LRRD1: variants seen among roughly 807,000 people sequenced by gnomAD.
The protein encoded by LRRD1 is leucine-rich repeat and death domain-containing protein 1.
Under a neutral mutation model 69.5 loss-of-function variants are expected in LRRD1, and 49 were observed. That is an observed-to-expected ratio of 0.70 (90% confidence interval 0.56 to 0.89). The LOEUF is 0.89. Ranked by LOEUF, LRRD1 falls within the 40% of genes least tolerant of loss-of-function variation. The pLI is 0.00. For missense variants in LRRD1, 853 were observed against 956.0 expected (o/e 0.89, Z 1.42); for synonymous variants, 303 against 338.9 (o/e 0.89, Z 1.16).
chr7:92,143,305 C>T (rs1584646379), downstream of LRRD1, among the ~76,000 whole-genome samples: 2 of 152,278 alleles, frequency 1.3e-5, no homozygotes, highest in East Asian at 1.9e-4. Flanking sequence ...TGACTTCACC[C>T]GGTGGATCCC....
intron 1 of LRRD1, among the ~76,000 whole-genome samples, chr7:92,174,470 A>AAT (rs1186084706): frequency 0.014 from 280 of 20,240 alleles, 9 homozygotes; most frequent in East Asian, 0.021. Flanking sequence ...TATCAATTAG[A>AAT]ATATATATAT....
chr7:92,173,907 C>T (rs923262046), intron 1 of LRRD1, among the ~76,000 whole-genome samples: 4 of 151,862 alleles, frequency 2.6e-5, no homozygotes, highest in Admixed American at 2.6e-4. Flanking sequence ...TTCACAAAAG[C>T]CAAAATATGG....
chr7:92,153,281 T>G (rs1298682453), intron 3 of LRRD1, among the ~76,000 whole-genome samples: 1 of 151,024 alleles, frequency 6.6e-6, no homozygotes, highest in Non-Finnish European at 1.5e-5. Context: ...GCTAGGCTGA[T>G]CTTGAACTAC....
chr7:92,174,510 T>TGTATATATA (rs1491100533), intron 1 of LRRD1, among the ~76,000 whole-genome samples: 233 of 12,578 alleles, frequency 0.019, 5 homozygotes, highest in Non-Finnish European at 0.025. Context: ...TATATATATA[T>TGTATATATA]TTTTTTTTTT....
chr7:92,141,838 G>T (rs909072239), downstream of LRRD1: 1 of 152,052 alleles, frequency 6.6e-6, no homozygotes. Context: ...TTCCAAAATG[G>T]CAACAAAATA....
intron 4 of LRRD1, among the ~76,000 whole-genome samples, chr7:92,148,983 G>A (rs533571471): frequency 2.0e-5 from 3 of 152,216 alleles, no homozygotes; most frequent in South Asian, 2.1e-4. Context: ...TCGTGACCTC[G>A]TGATTCACCC....
At chr7:92,161,683 G>A (rs559413343) in intron 2 of LRRD1, among the ~76,000 whole-genome samples, 1 of 152,180 alleles carries the variant, frequency 6.6e-6, no homozygotes, top group Non-Finnish European at 1.5e-5. Flanking sequence ...GATGGAAAAG[G>A]AACAAGAATG....
At chr7:92,167,060 G>A (rs780151660) in intron 1 of LRRD1, among the ~76,000 whole-genome samples, 4 of 150,824 alleles carry the variant, frequency 2.7e-5, no homozygotes, top group Non-Finnish European at 3.0e-5. Flanking sequence ...GAGTAATATT[G>A]CTAAATACAA....
intron 5 of LRRD1, 135 bp downstream of exon 5, chr7:92,145,948 G>A: frequency 2.0e-6 from 1 of 504,594 alleles, no homozygotes; most frequent in Non-Finnish European, 3.5e-6. Context: ...TCACAAACAT[G>A]TAATAAACTA....
chr7:92,172,125 A>C (rs1274524868), intron 1 of LRRD1, among the ~76,000 whole-genome samples: 1 of 151,970 alleles, frequency 6.6e-6, no homozygotes, highest in African/African-American at 2.4e-5. Context: ...ACCCTGTATC[A>C]AAAAAAAGAA....
chr7:92,144,821 G>T, downstream of LRRD1: 2 of 932,578 alleles, frequency 2.1e-6, no homozygotes, highest in Non-Finnish European at 3.0e-6. Context: ...GAAGTGAAAT[G>T]GTTCACAAAC....
At chr7:92,155,519 TGGTCAGTCAG>T (rs1788636237) in intron 3 of LRRD1, among the ~76,000 whole-genome samples, 1 of 152,156 alleles carries the variant, frequency 6.6e-6, no homozygotes, top group South Asian at 2.1e-4. Context: ...GACCACATAG[TGGTCAGTCAG>T]GGTTCTCTAG....
chr7:92,166,734 T>A (rs1460630143), intron 1 of LRRD1, among the ~76,000 whole-genome samples: 2 of 152,188 alleles, frequency 1.3e-5, no homozygotes, highest in African/African-American at 4.8e-5. Context: ...AGTTGCAACA[T>A]TTTTCATAAT....
intron 4 of LRRD1, 42 bp from the exon 5 acceptor site, chr7:92,146,242 G>T: frequency 2.0e-6 from 2 of 982,982 alleles, no homozygotes; most frequent in Non-Finnish European, 3.0e-6. Flanking sequence ...TTTTGAAAAA[G>T]ATAATCTATT....
rs560559210 is a variant in LRRD1 at position 92,164,308 on chromosome 7, G to A, written c.895C>T (p.Leu299Phe). Reference protein sequence around the residue: ...YNQLTTFPKALCFLPKLISLD... With the variant: ...YNQLTTFPKAFCFLPKLISLD... ...GAAATTAACTTTGGAAGGAAGCAGA[G>A]AGCTTTAGGAAATGTTGTTAACTGA... The change falls in exon 2 of 6, where the codon CTC (leucine) becomes TTC (phenylalanine). Residue 299 changes from leucine (L) to phenylalanine (F), a missense_variant. This residue lies in a region of LRRD1 where 739 missense variants were observed against 808.0 expected (regional missense o/e 0.91). Coordinates refer to ENST00000458448, the MANE Select transcript of LRRD1 (RefSeq NM_001161528.2). The A allele has an allele frequency of 2.6e-6, 4 of 1,550,936 alleles. No homozygotes were observed. The Admixed American group carries it at 7.8e-5, about 30-fold the overall frequency.
chr7:92,145,044 T>G lies in LRRD1; in HGVS notation c.2427A>C (p.Gln809His). Residue 809 changes from glutamine (Q) to histidine (H), a missense_variant, in exon 6 of 6, where the codon CAA (glutamine) becomes CAC (histidine). By Grantham distance (24) the Gln-to-His change is conservative. This residue lies in a region of LRRD1 where 739 missense variants were observed against 808.0 expected (regional missense o/e 0.91). Coordinates refer to ENST00000458448, the MANE Select transcript of LRRD1 (RefSeq NM_001161528.2). Reference sequence around the variant, plus strand: ...TTTGTGTTTTCCATATAACAAGTGCTTGGTGGGCTCTCTCACTTAATGAAA... The same window carrying G: ...TTTGTGTTTTCCATATAACAAGTGCGTGGTGGGCTCTCTCACTTAATGAAA... ...STVSLSERAH[Q>H]ALVIWKTQSN... 1 of 1,508,412 alleles carries G rather than the reference T, an allele frequency of 6.6e-7. No individual in the cohort carries two copies. The highest frequency in any genetic ancestry group is 1.4e-5 in the South Asian group (1 of 73,870). 93.4% of individuals were successfully genotyped at this position (1,508,412 alleles called of 1,614,324 possible).
At chr7:92,161,254 G>T (rs567602357) in intron 2 of LRRD1, among the ~76,000 whole-genome samples, 32 of 152,294 alleles carry the variant, frequency 2.1e-4, no homozygotes, top group African/African-American at 7.7e-4. Context: ...TTAATTATTT[G>T]GGCATTTCAT....
intron 4 of LRRD1, chr7:92,149,844 C>T (rs999526374): frequency 1.6e-5 from 7 of 445,886 alleles, no homozygotes; most frequent in African/African-American, 1.0e-4. Flanking sequence ...TGAGCCACCA[C>T]ACGCAACTCC....
intron 4 of LRRD1, among the ~76,000 whole-genome samples, chr7:92,148,439 T>TTA (rs978318625): frequency 6.7e-6 from 1 of 150,048 alleles, no homozygotes; most frequent in African/African-American, 2.5e-5. Context: ...TTAAAAAGTT[T>TTA]TATATATACT....
Sources: gnomAD v4.1 joint callset for allele counts (sites outside exome capture counted in the v4.1 genomes callset) on GRCh38, gnomAD v4.1.1 for gene constraint, gnomAD v4.1.1 regional missense constraint, MANE v1.5 for transcripts, NCBI Gene and HGNC (gene_info 2026-07-23, HGNC 2026-07-21) for gene names.